The following GABRA3 variants were observed in gnomAD, a reference collection of about 807,000 sequenced individuals.
GABRA3 encodes gamma-aminobutyric acid receptor subunit alpha-3.
Under a neutral mutation model 30.1 loss-of-function variants are expected in GABRA3, and 10 were observed. That is an observed-to-expected ratio of 0.33 (90% CI 0.20 to 0.56). GABRA3 has a LOEUF of 0.56. GABRA3 is among the 20% of genes least tolerant of loss of function. The pLI, the probability that GABRA3 is intolerant of heterozygous loss-of-function variation, is 0.89. For missense variants in GABRA3, 233 were observed against 392.0 expected (o/e 0.59, Z 3.42); for synonymous variants, 151 against 146.8 (o/e 1.03, Z -0.21).
intron 1 of GABRA3, among the ~76,000 whole-genome samples, chrX:152,396,318 T>C (rs899965934): frequency 9.8e-5 from 11 of 111,960 alleles, no homozygotes; most frequent in African/African-American, 3.2e-4. Flanking sequence ...ATTTAGAACT[T>C]TTAGCCTCCA....
At chrX:152,322,770 G>A (rs571165305) in intron 3 of GABRA3, among the ~76,000 whole-genome samples, 7 of 106,316 alleles carry the variant, frequency 6.6e-5, no homozygotes, top group African/African-American at 2.4e-4. Context: ...CTGACCTCAG[G>A]TGATCCACCC....
At chrX:152,300,945 GA>G (rs35427636) in intron 3 of GABRA3, among the ~76,000 whole-genome samples, 1 of 111,621 alleles carries the variant, frequency 9.0e-6, no homozygotes, top group African/African-American at 3.2e-5. Flanking sequence ...GATTCGTGCA[GA>G]AAAAAATTTT....
chrX:152,439,621 A>T (rs1321428367), intron 1 of GABRA3, among the ~76,000 whole-genome samples: 1 of 111,865 alleles, frequency 8.9e-6, no homozygotes, highest in Non-Finnish European at 1.9e-5. Flanking sequence ...CCTAGCATAA[A>T]TAAAAATATA....
At chrX:152,294,747 T>G (rs1047253629) in intron 3 of GABRA3, among the ~76,000 whole-genome samples, 1 of 112,127 alleles carries the variant, frequency 8.9e-6, no homozygotes, top group Non-Finnish European at 1.9e-5. Flanking sequence ...TGCTCTGGTT[T>G]CTCCCCATCT....
intron 4 of GABRA3, among the ~76,000 whole-genome samples, chrX:152,265,267 A>G (rs1327250359): frequency 1.8e-5 from 2 of 111,817 alleles, no homozygotes; most frequent in Non-Finnish European, 3.8e-5. Context: ...GCCTTAAAAC[A>G]TTAAAAAAAT....
intron 7 of GABRA3, among the ~76,000 whole-genome samples, chrX:152,198,309 T>C (rs1259634467): frequency 8.9e-6 from 1 of 111,938 alleles, no homozygotes; most frequent in African/African-American, 3.3e-5. Flanking sequence ...ACCATTATGC[T>C]CCGCTGTTCT....
intron 3 of GABRA3, among the ~76,000 whole-genome samples, chrX:152,304,932 A>T (rs1218375712): frequency 1.8e-5 from 2 of 111,930 alleles, no homozygotes; most frequent in Non-Finnish European, 3.8e-5. Context: ...GATTCTTCCA[A>T]CCAATGAGCA....
intron 5 of GABRA3, 110 bp downstream of exon 5, chrX:152,255,668 T>C: frequency 1.6e-6 from 1 of 628,307 alleles, no homozygotes; most frequent in Non-Finnish European, 2.6e-6. Flanking sequence ...TACCTGTACA[T>C]TTCTAATCTA....
At chrX:152,285,930 A>ATATAGTACTTAGTACTAAGTATT (rs1302165837) in intron 3 of GABRA3, among the ~76,000 whole-genome samples, 4 of 107,416 alleles carry the variant, frequency 3.7e-5, no homozygotes, top group Admixed American at 2.0e-4. Context: ...CTTATATACT[A>ATATAGTACTTAGTACTAAGTATT]TATAGTACTT....
chrX:152,240,085 A>C (rs1414997874), intron 5 of GABRA3, among the ~76,000 whole-genome samples: 1 of 94,837 alleles, frequency 1.1e-5, no homozygotes. Flanking sequence ...GTTTCTTCCT[A>C]GTCTCGATGG....
At chrX:152,309,378 C>T (rs899492104) in intron 3 of GABRA3, among the ~76,000 whole-genome samples, 3 of 110,623 alleles carry the variant, frequency 2.7e-5, no homozygotes, top group East Asian at 2.8e-4. Context: ...ATATATTAAA[C>T]GCAGCTAGAG....
intron 4 of GABRA3, among the ~76,000 whole-genome samples, chrX:152,260,497 C>T (rs746656770): frequency 9.0e-6 from 1 of 111,506 alleles, no homozygotes; most frequent in East Asian, 2.8e-4. Context: ...CATAGGGGTG[C>T]TTTTGTCACT....
At chrX:152,447,989 T>C (rs901882855) in intron 1 of GABRA3, among the ~76,000 whole-genome samples, 2 of 112,606 alleles carry the variant, frequency 1.8e-5, no homozygotes, top group Non-Finnish European at 3.8e-5. Flanking sequence ...ATTTTATGTC[T>C]GTAGAATCTA....
chrX:152,440,664 C>T (rs1276998226), intron 1 of GABRA3, among the ~76,000 whole-genome samples: 1 of 111,995 alleles, frequency 8.9e-6, no homozygotes, highest in East Asian at 2.8e-4. Context: ...ATATATTCAC[C>T]ACAGAATACT....
intron 1 of GABRA3, among the ~76,000 whole-genome samples, chrX:152,368,740 C>G (rs1317583483): frequency 3.8e-5 from 3 of 78,346 alleles, no homozygotes; most frequent in African/African-American, 5.3e-5. Context: ...GAGTCTCGCT[C>G]TGTCGCCCAG....
intron 3 of GABRA3, among the ~76,000 whole-genome samples, chrX:152,308,433 C>T (rs1332536635): frequency 8.9e-6 from 1 of 112,081 alleles, no homozygotes; most frequent in Non-Finnish European, 1.9e-5. Context: ...CATCTCAGCC[C>T]CTCCAGTCCA....
At chrX:152,184,610 A>G (rs1440884293) in intron 9 of GABRA3, among the ~76,000 whole-genome samples, 1 of 111,040 alleles carries the variant, frequency 9.0e-6, no homozygotes, top group Non-Finnish European at 1.9e-5. Flanking sequence ...TTTATTCTCT[A>G]TTGTATCTAG....
intron 3 of GABRA3, among the ~76,000 whole-genome samples, chrX:152,325,807 C>T (rs763510074): frequency 5.4e-5 from 6 of 111,518 alleles, no homozygotes; most frequent in South Asian, 3.8e-4. Flanking sequence ...TCCAAAGGAA[C>T]GCAGCTCCTC....
chrX:152,323,425 C>A (rs141249289), intron 3 of GABRA3, among the ~76,000 whole-genome samples: 13 of 111,294 alleles, frequency 1.2e-4, no homozygotes, highest in African/African-American at 4.2e-4. Flanking sequence ...CTGCTATGAC[C>A]CTGAGTTTTA....
Sources: allele counts gnomAD v4.1 joint callset (sites outside exome capture counted in the v4.1 genomes callset), GRCh38; gene constraint gnomAD v4.1.1; transcripts MANE v1.5; gene names NCBI Gene and HGNC (gene_info 2026-07-23, HGNC 2026-07-21).